USP3: variants seen among roughly 807,000 people sequenced by gnomAD.
USP3 encodes the protein ubiquitin specific peptidase 3.
USP3 carries 20 observed loss-of-function variants against 72.3 expected under a neutral mutation model. That is an observed-to-expected ratio of 0.28 (90% confidence interval 0.19 to 0.40). The LOEUF (loss-of-function observed/expected upper bound fraction) is 0.40, where lower values mean the gene tolerates loss of function less well. Ranked by LOEUF, USP3 falls within the 10% of genes least tolerant of loss-of-function variation. The probability of loss-of-function intolerance (pLI) is 1.00; values close to 1 mark genes in which losing one functional copy is unlikely to be tolerated. For missense variants in USP3, 479 were observed against 633.9 expected, an observed-to-expected ratio of 0.76 and a Z score of 2.62; for synonymous variants, 222 against 225.3, an observed-to-expected ratio of 0.99 and a Z score of 0.13.
intron 1 of USP3, among the ~76,000 whole-genome samples, chr15:63,514,927 G>A (rs2065831857): frequency 6.6e-6 from 1 of 152,184 alleles, no homozygotes; most frequent in South Asian, 2.1e-4. Context: ...AATAAATGAA[G>A]ATATTAGATG....
At chr15:63,540,026 A>G (rs1212487651) in intron 3 of USP3, among the ~76,000 whole-genome samples, 3 of 152,174 alleles carry the variant, frequency 2.0e-5, no homozygotes, top group Non-Finnish European at 4.4e-5. Context: ...TTCCTTGTAC[A>G]CTAATTTCTT....
chr15:63,558,016 A>G (rs758572990), intron 5 of USP3, 90 bp from the exon 6 acceptor site: 3 of 1,367,188 alleles, frequency 2.2e-6, no homozygotes, highest in Non-Finnish European at 3.1e-6. Context: ...GCTTGGTGCT[A>G]GATTTCAGAG....
At chr15:63,519,990 T>G (rs1377176686) in intron 1 of USP3, among the ~76,000 whole-genome samples, 2 of 152,156 alleles carry the variant, frequency 1.3e-5, no homozygotes, top group Non-Finnish European at 2.9e-5. Context: ...CCTTTTTACT[T>G]TCTCGCACAA....
At position 63,528,273 on chromosome 15, in the gene USP3, A is replaced by G. The variant is rs954796892; in HGVS notation, c.92-4374A>G. On this transcript the variant is annotated intron_variant, in intron 1 of 14. Coordinates refer to ENST00000380324, the MANE Select transcript of USP3 (RefSeq NM_006537.4). The surrounding 1 kb of genome is among the most constrained non-coding windows in gnomAD (Gnocchi z 4.3). ...AATTTTACAATCTGAGTAAAAGATGAGTTTCACTTATGAGACTCCCAGTCA... is the reference window on the plus strand; with the variant it reads ...AATTTTACAATCTGAGTAAAAGATGGGTTTCACTTATGAGACTCCCAGTCA... The G allele has an allele frequency of 7.2e-5, 11 of 152,196 alleles. No individual in the cohort carries two copies. The highest frequency in any genetic ancestry group is 2.7e-4 in the African/African-American group (11 of 41,448). The allele number at this position is 152,196 out of a possible 1,614,324, so 9.4% of individuals were successfully genotyped here.
chr15:63,578,189 T>C (rs1305004773), intron 11 of USP3, among the ~76,000 whole-genome samples: 1 of 151,966 alleles, frequency 6.6e-6, no homozygotes, highest in Non-Finnish European at 1.5e-5. Context: ...GGCAGAATAA[T>C]GGCTTGAACC....
At chr15:63,562,670 A>G (rs1326579349) in intron 7 of USP3, among the ~76,000 whole-genome samples, 4 of 152,260 alleles carry the variant, frequency 2.6e-5, no homozygotes, top group African/African-American at 9.6e-5. Context: ...GTGCATGGGC[A>G]CACTCAGAGT....
intron 11 of USP3, chr15:63,587,659 T>G (rs1412764228): frequency 6.6e-6 from 1 of 152,230 alleles, no homozygotes; most frequent in Non-Finnish European, 1.5e-5. Context: ...GTGACTCAGT[T>G]TGGTGTAGTG....
intron 3 of USP3, among the ~76,000 whole-genome samples, chr15:63,549,740 G>A (rs2066409310): frequency 6.6e-6 from 1 of 152,098 alleles, no homozygotes; most frequent in African/African-American, 2.4e-5. Flanking sequence ...GATATGCATT[G>A]TGATATAGGG....
chr15:63,568,352 TAAAA>T (rs545943861), intron 8 of USP3, among the ~76,000 whole-genome samples: 2 of 131,484 alleles, frequency 1.5e-5, no homozygotes, highest in Non-Finnish European at 1.6e-5. Context: ...AGACTCCATC[TAAAA>T]AAAAAAAAAA....
rs1317066167 is a variant in USP3, at chr15:63,588,200, G to A, written c.1097-105G>A. 3.0e-5 allele frequency: 25 copies of A among 823,018 alleles called. No individual in the cohort carries two copies. The highest frequency in any genetic ancestry group is 2.3e-4 in the East Asian group (9 of 38,822). 51.0% of individuals were successfully genotyped at this position (823,018 alleles called of 1,614,324 possible). On this transcript the variant is annotated intron_variant, in intron 11 of 14. Coordinates refer to ENST00000380324, the MANE Select transcript of USP3 (RefSeq NM_006537.4). The surrounding 1 kb of genome is among the most constrained non-coding windows in gnomAD (Gnocchi z 4.6). ...GAGAAAGGTTAACTTTTCTAAGGTC[G>A]TATAGCTAATAAAGCTGAGATTTTA...
intron 11 of USP3, among the ~76,000 whole-genome samples, chr15:63,584,384 C>T (rs1309367942): frequency 1.3e-5 from 2 of 152,198 alleles, no homozygotes; most frequent in Admixed American, 1.3e-4. Context: ...AGGTGTGAGG[C>T]ACCGCACCCA....
At chr15:63,539,814 A>T (rs932760082) in intron 3 of USP3, among the ~76,000 whole-genome samples, 1 of 152,216 alleles carries the variant, frequency 6.6e-6, no homozygotes, top group Non-Finnish European at 1.5e-5. Flanking sequence ...TTAGAATAAA[A>T]TGCTAGGGAA....
chr15:63,532,401 C>T, intron 1 of USP3: 4 of 567,914 alleles, frequency 7.0e-6, no homozygotes, highest in South Asian at 2.0e-5. Flanking sequence ...ATGTGTTTAA[C>T]GTGGTTAAGC....
chr15:63,557,976 A>G lies in USP3; in HGVS notation c.451-130A>G. On this transcript the variant is annotated intron_variant, in intron 5 of 14. Transcript: ENST00000380324. Reference sequence around the variant, plus strand: ...ACTAGAGAGTTTGTTTGAAATATTCATTGGACAGAAAAGGACCAATTCCAA... The same window carrying G: ...ACTAGAGAGTTTGTTTGAAATATTCGTTGGACAGAAAAGGACCAATTCCAA... 3.9e-6 allele frequency: 3 copies of G among 773,004 alleles called. No individual in the cohort carries two copies. The South Asian group carries it at 4.9e-5, about 13-fold the overall frequency. The allele number at this position is 773,004 out of a possible 1,614,324, so 47.9% of individuals were successfully genotyped here. A position where few individuals can be genotyped will look rare whatever the true frequency, so the allele number is the denominator to read the frequency against.
intron 1 of USP3, among the ~76,000 whole-genome samples, chr15:63,520,292 G>C (rs950315781): frequency 2.0e-5 from 3 of 151,974 alleles, no homozygotes; most frequent in Non-Finnish European, 4.4e-5. Flanking sequence ...GTAAGAACTG[G>C]TTCCCATTAT....
At chr15:63,533,052 A>T (rs2066101446) in intron 2 of USP3, among the ~76,000 whole-genome samples, 3 of 152,176 alleles carry the variant, frequency 2.0e-5, no homozygotes, top group Non-Finnish European at 4.4e-5. Flanking sequence ...AAATTTAAGC[A>T]CACACAAACA....
intron 5 of USP3, among the ~76,000 whole-genome samples, chr15:63,557,217 T>C (rs920602867): frequency 2.6e-5 from 4 of 152,008 alleles, no homozygotes; most frequent in African/African-American, 9.7e-5. Context: ...ACAACAGGTG[T>C]ACACCACCAC....
chr15:63,523,923 G>A (rs2065948130), intron 1 of USP3, among the ~76,000 whole-genome samples: 1 of 152,202 alleles, frequency 6.6e-6, no homozygotes, highest in African/African-American at 2.4e-5. Flanking sequence ...AAGGAAGGAA[G>A]GATAAGGATT....
In USP3 at chr15:63,588,916, C is replaced by T; in HGVS notation, c.1330-28C>T. Reference sequence around the variant, plus strand: ...GTCATCGAGATACTGATGTCATTGACCACTGCTCCTTCTTCCTTGTTCTGT... The same window carrying T: ...GTCATCGAGATACTGATGTCATTGATCACTGCTCCTTCTTCCTTGTTCTGT... On this transcript the variant is annotated intron_variant, in intron 13 of 14. Coordinates refer to ENST00000380324, the MANE Select transcript of USP3 (RefSeq NM_006537.4). This position sits in a 1 kb window ranked among gnomAD's most constrained non-coding sequence, Gnocchi z 4.6. 2 of 1,613,958 alleles carry T rather than the reference C, an allele frequency of 1.2e-6. No homozygotes were observed. Among genetic ancestry groups the T allele is most frequent in the Non-Finnish European group, 1.7e-6 (2 of 1,179,860 alleles).
Sources: gnomAD v4.1 joint callset for allele counts (sites outside exome capture counted in the v4.1 genomes callset) on GRCh38, gnomAD v4.1.1 for gene constraint, Gnocchi (gnomAD v3.1) non-coding constraint, MANE v1.5 for transcripts, NCBI Gene and HGNC (gene_info 2026-07-23, HGNC 2026-07-21) for gene names.